The following AP1S3 variants were observed in gnomAD, a reference collection of about 807,000 sequenced individuals.
AP1S3 encodes AP-1 complex subunit sigma-3.
A neutral mutation model predicts 20.9 loss-of-function variants in AP1S3; 10 were observed. That is an observed-to-expected ratio of 0.48 (90% CI 0.29 to 0.81). AP1S3 has a LOEUF of 0.81. Ranked by LOEUF, AP1S3 falls within the 30% of genes least tolerant of loss-of-function variation. The pLI, the probability that AP1S3 is intolerant of heterozygous loss-of-function variation, is 0.08. For synonymous variants in AP1S3, 41 were observed against 61.5 expected, an observed-to-expected ratio of 0.67 and a Z score of 1.56; for missense variants, 154 against 183.8, an observed-to-expected ratio of 0.84 and a Z score of 0.94.
chr2:223,815,284 T>C (rs1249473072), intron 1 of AP1S3, among the ~76,000 whole-genome samples: 1 of 152,176 alleles, frequency 6.6e-6, no homozygotes, highest in East Asian at 1.9e-4. Flanking sequence ...TAAATTTTAG[T>C]CATGGGCTGT....
intron 3 of AP1S3, among the ~76,000 whole-genome samples, 156 bp from the exon 4 acceptor site, chr2:223,765,506 G>A (rs1690455764): frequency 6.6e-6 from 1 of 152,168 alleles, no homozygotes; most frequent in South Asian, 2.1e-4. Context: ...AACAGGGAAT[G>A]TCAGGCCTTT....
chr2:223,832,109 TG>T (rs943316048), intron 1 of AP1S3, among the ~76,000 whole-genome samples: 2 of 147,554 alleles, frequency 1.4e-5, no homozygotes, highest in Admixed American at 1.4e-4. Flanking sequence ...GGACTTATTC[TG>T]GGGATTATTA....
chr2:223,785,001 T>C (rs963405056), intron 1 of AP1S3, among the ~76,000 whole-genome samples: 12 of 152,166 alleles, frequency 7.9e-5, no homozygotes, highest in Non-Finnish European at 1.5e-4. Flanking sequence ...GTTTAAATGA[T>C]ATTTACTAAA....
chr2:223,760,353 G>C (rs1459880209), intron 4 of AP1S3, among the ~76,000 whole-genome samples: 1 of 152,184 alleles, frequency 6.6e-6, no homozygotes, highest in African/African-American at 2.4e-5. Flanking sequence ...AAGATACCAA[G>C]GCTACTGGCC....
intron 1 of AP1S3, among the ~76,000 whole-genome samples, chr2:223,786,418 G>A (rs1396711953): frequency 6.6e-6 from 1 of 152,064 alleles, no homozygotes; most frequent in Admixed American, 6.5e-5. Context: ...CAGCAGGTGC[G>A]ATCCAGTGGG....
At chr2:223,762,421 TACC>T (rs1200662332) in intron 4 of AP1S3, among the ~76,000 whole-genome samples, 1 of 151,712 alleles carries the variant, frequency 6.6e-6, no homozygotes, top group Non-Finnish European at 1.5e-5. Context: ...TACAGATGTG[TACC>T]ACCACACCTG....
At chr2:223,816,929 AC>A (rs1347422584) in intron 1 of AP1S3, among the ~76,000 whole-genome samples, 1 of 152,084 alleles carries the variant, frequency 6.6e-6, no homozygotes, top group Non-Finnish European at 1.5e-5. Context: ...GGAGTTCGAA[AC>A]CAGCCTAGCC....
chr2:223,819,154 A>T (rs1691925830), intron 1 of AP1S3, among the ~76,000 whole-genome samples: 1 of 152,170 alleles, frequency 6.6e-6, no homozygotes, highest in Admixed American at 6.5e-5. Flanking sequence ...CCTACATGAA[A>T]GTAGTACAGT....
intron 1 of AP1S3, among the ~76,000 whole-genome samples, chr2:223,802,635 C>T (rs893739486): frequency 1.3e-5 from 2 of 152,040 alleles, no homozygotes; most frequent in African/African-American, 2.4e-5. Context: ...AACAAATCAC[C>T]GCACAAATCC....
chr2:223,821,372 G>C lies in AP1S3; in HGVS notation c.3+16076C>G, dbSNP rs188473484. 4.6e-5 allele frequency among the ~76,000 whole-genome samples: 7 copies of C among 151,982 alleles called. No homozygotes were observed. In the East Asian group the frequency reaches 1.4e-3, roughly 29 times the overall value. ...GAGTTTCACTATGTTGGCCAGGCTG[G>C]TCTTGAACTCCTGACCTCATGATCC... On this transcript the variant is annotated intron_variant, in intron 1 of 4. Transcript: ENST00000396654.
At chr2:223,773,765 A>G (rs1179306628) in intron 3 of AP1S3, among the ~76,000 whole-genome samples, 1 of 152,236 alleles carries the variant, frequency 6.6e-6, no homozygotes, top group Non-Finnish European at 1.5e-5. Context: ...GCTGGAAGCA[A>G]ATTATCCTAA....
chr2:223,831,878 C>A (rs1574735629), intron 1 of AP1S3, among the ~76,000 whole-genome samples: 1 of 152,200 alleles, frequency 6.6e-6, no homozygotes, highest in East Asian at 1.9e-4. Flanking sequence ...AGATCAAGAC[C>A]ATCCTGGCTA....
intron 1 of AP1S3, among the ~76,000 whole-genome samples, chr2:223,825,911 G>A (rs371167346): frequency 8.8e-4 from 134 of 152,204 alleles, no homozygotes; most frequent in African/African-American, 3.0e-3. Flanking sequence ...CAGCTACTTG[G>A]GAGGCTAAGG....
intron 1 of AP1S3, among the ~76,000 whole-genome samples, chr2:223,822,013 T>A (rs1691998863): frequency 6.6e-6 from 1 of 151,970 alleles, no homozygotes; most frequent in African/African-American, 2.4e-5. Context: ...AGAAACGAAG[T>A]CCCCTCATCG....
chr2:223,759,947 T>A (rs1386452599), intron 4 of AP1S3, among the ~76,000 whole-genome samples: 1 of 152,268 alleles, frequency 6.6e-6, no homozygotes, highest in Non-Finnish European at 1.5e-5. Flanking sequence ...AAGGACATGA[T>A]CTCATTCTTT....
At chr2:223,824,643 T>C (rs1186830866) in intron 1 of AP1S3, among the ~76,000 whole-genome samples, 1 of 152,154 alleles carries the variant, frequency 6.6e-6, no homozygotes, top group African/African-American at 2.4e-5. Flanking sequence ...GTCCAAGTGA[T>C]TCTCCTGCCT....
chr2:223,830,981 A>G (rs2106041604), intron 1 of AP1S3, among the ~76,000 whole-genome samples: 1 of 152,244 alleles, frequency 6.6e-6, no homozygotes, highest in South Asian at 2.1e-4. Context: ...CATTGTTAAG[A>G]TTTTTAATTT....
intron 1 of AP1S3, among the ~76,000 whole-genome samples, chr2:223,836,198 T>C (rs2106047617): frequency 6.6e-6 from 1 of 152,244 alleles, no homozygotes; most frequent in African/African-American, 2.4e-5. Context: ...TGCAGGTCAC[T>C]TCCCTTCTGC....
chr2:223,806,398 C>G (rs1309719217), intron 1 of AP1S3, among the ~76,000 whole-genome samples: 3 of 151,080 alleles, frequency 2.0e-5, no homozygotes, highest in Non-Finnish European at 4.4e-5. Flanking sequence ...ATTCTCCTGC[C>G]TCAACCTCTC....
Sources: gnomAD v4.1 joint callset for allele counts (sites outside exome capture counted in the v4.1 genomes callset) on GRCh38, gnomAD v4.1.1 for gene constraint, MANE v1.5 for transcripts, NCBI Gene and HGNC (gene_info 2026-07-23, HGNC 2026-07-21) for gene names.